Variants in MRAP2 observed in about 807,000 individuals in gnomAD.
MRAP2 encodes the protein melanocortin-2 receptor accessory protein 2.
A neutral mutation model predicts 17.4 loss-of-function variants in MRAP2; 20 were observed. The ratio of observed to expected loss-of-function variants is 1.15; its 90% confidence interval spans 0.81 to 1.67. The LOEUF is 1.67. Among genes scored for constraint, MRAP2 ranks in the 40% most tolerant of loss-of-function variants. The pLI, the probability that MRAP2 is intolerant of heterozygous loss-of-function variation, is 0.00. For synonymous variants in MRAP2, 96 were observed against 88.4 expected (o/e 1.09, Z -0.48); for missense variants, 238 against 240.0 (o/e 0.99, Z 0.05).
At chr6:84,094,222 TTTGTTTC>T (rs2099502281), downstream of MRAP2, among the ~76,000 whole-genome samples, 1 of 152,304 alleles carries the variant, frequency 6.6e-6, no homozygotes, top group African/African-American at 2.4e-5. Context: ...TAATACTCTT[TTTGTTTC>T]TTTTGAGACA....
At chr6:84,057,022 G>A (rs998689885) in intron 2 of MRAP2, among the ~76,000 whole-genome samples, 28 of 151,980 alleles carry the variant, frequency 1.8e-4, no homozygotes, top group Admixed American at 9.8e-4. Context: ...TAATATTCAC[G>A]TCAAGATAAA....
chr6:84,055,292 G>A lies in MRAP2; in HGVS notation c.-7-20G>A. On this transcript the variant is annotated intron_variant, in intron 1 of 3. Transcript: ENST00000257776. ...GGATGAATTAACAGGTTCTGCGCTT[G>A]ACTTTCTCCATTTGTGCAGGTCGGA... 1.3e-6 allele frequency: 2 copies of A among 1,599,128 alleles called. No homozygotes were observed. Among genetic ancestry groups the A allele is most frequent in the African/African-American group, 2.7e-5 (2 of 73,742 alleles).
chr6:84,057,667 T>G (rs1465814576), intron 2 of MRAP2, among the ~76,000 whole-genome samples: 1 of 152,224 alleles, frequency 6.6e-6, no homozygotes, highest in Non-Finnish European at 1.5e-5. Flanking sequence ...TGTGCAGTAC[T>G]ATTTTAAGCA....
Position 84,064,639 on chromosome 6 carries a change from C to G in MRAP2, c.227+1647C>G, listed in dbSNP as rs570971425. Among the ~76,000 whole-genome samples the G allele has an allele frequency of 2.7e-3, 411 of 152,294 alleles. 2 individuals carry two copies. Among genetic ancestry groups the G allele is most frequent in the Non-Finnish European group, 3.1e-3 (212 of 68,030 alleles). On this transcript the variant is annotated intron_variant, in intron 3 of 3. Coordinates refer to ENST00000257776, the MANE Select transcript of MRAP2 (RefSeq NM_138409.4). ...AGTAGCTGGGACTACAGGCACCCAC[C>G]ACCACGCCCAGCTACTTTTTTGTAT...
At chr6:84,138,580 C>T in the MRAP2 span, among the ~76,000 whole-genome samples, 1 of 152,172 alleles carries the variant, frequency 6.6e-6, no homozygotes, top group Non-Finnish European at 1.5e-5. Flanking sequence ...GGCAGGGTGT[C>T]ATTACCTTTA....
rs1175341909 is a variant in MRAP2, at chr6:84,089,151, A to T, written c.288A>T (p.Arg96Ser). 9 of 1,613,932 alleles carry T rather than the reference A, an allele frequency of 5.6e-6. No homozygotes were observed. Among genetic ancestry groups the T allele is most frequent in the South Asian group, 1.1e-5 (1 of 91,080 alleles). The change falls in exon 4 of 4, where the codon AGA (arginine) becomes AGT (serine). Residue 96 changes from arginine (R) to serine (S), a missense_variant. Arg to Ser is a moderately radical substitution (Grantham distance 110, BLOSUM62 -1). Transcript: ENST00000257776. ...RMNSFVSDFG[R>S]PLEPDKVFSR... ...ACAGCTTTGTGTCAGACTTTGGAAG[A>T]CCTCTGGAGCCAGATAAAGTATTTT...
intron 3 of MRAP2, among the ~76,000 whole-genome samples, chr6:84,073,645 C>CTG (rs1344075974): frequency 1.3e-5 from 2 of 152,220 alleles, no homozygotes; most frequent in African/African-American, 4.8e-5. Flanking sequence ...TTATCACATA[C>CTG]TGTGCCAAGC....
the MRAP2 span, among the ~76,000 whole-genome samples, chr6:84,112,163 G>A: frequency 6.6e-6 from 1 of 152,162 alleles, no homozygotes; most frequent in African/African-American, 2.4e-5. Flanking sequence ...GTTTGGAATA[G>A]TGTCATAAGG....
chr6:84,068,314 T>G (rs1426775074), intron 3 of MRAP2, among the ~76,000 whole-genome samples: 2 of 152,212 alleles, frequency 1.3e-5, no homozygotes, highest in African/African-American at 4.8e-5. Context: ...TGAAACCAGA[T>G]AGTATGATCC....
chr6:84,106,547 G>T, the MRAP2 span, among the ~76,000 whole-genome samples: 2 of 152,110 alleles, frequency 1.3e-5, no homozygotes, highest in African/African-American at 2.4e-5. Flanking sequence ...GGAGGTCCAT[G>T]TTGTTGAGCC....
chr6:84,055,412 C>T lies in MRAP2; in HGVS notation c.94C>T (p.Pro32Ser). 6.2e-7 allele frequency: 1 copy of T among 1,612,802 alleles called. No homozygotes were observed. The change falls in exon 2 of 4, where the codon CCA (proline) becomes TCA (serine). Residue 32 changes from proline (P) to serine (S), a missense_variant. Physicochemically the swap from Pro to Ser is moderately conservative, Grantham distance 74 (BLOSUM62 -1). Transcript: ENST00000257776. Reference sequence around the variant, plus strand: ...GGAATATGAATATTATGAGATTGGACCAGTTTCCTTTGAAGGACTGAAGGC... The same window carrying T: ...GGAATATGAATATTATGAGATTGGATCAGTTTCCTTTGAAGGACTGAAGGC... ...TWEYEYYEIG[P>S]VSFEGLKAHK...
chr6:84,055,875 G>A (rs924130118), intron 2 of MRAP2, among the ~76,000 whole-genome samples: 1 of 152,202 alleles, frequency 6.6e-6, no homozygotes, highest in Admixed American at 6.5e-5. Context: ...GTGGAGAGCA[G>A]TGTATCCATG....
the MRAP2 span, among the ~76,000 whole-genome samples, chr6:84,118,416 C>CAGAG: frequency 6.7e-6 from 1 of 149,980 alleles, no homozygotes; most frequent in Admixed American, 6.6e-5. Context: ...AGGGAGAGAT[C>CAGAG]AGAGCTCTTT....
At chr6:84,040,548 C>T (rs1043464130) in intron 1 of MRAP2, among the ~76,000 whole-genome samples, 2 of 152,086 alleles carry the variant, frequency 1.3e-5, no homozygotes, top group African/African-American at 4.8e-5. Context: ...CAGAAGAAGA[C>T]AGGAAAATGT....
chr6:84,034,785 A>G (rs573921829), intron 1 of MRAP2, among the ~76,000 whole-genome samples: 2 of 152,202 alleles, frequency 1.3e-5, no homozygotes, highest in South Asian at 2.1e-4. Context: ...CCAAAAGTAA[A>G]CAGTAGTATT....
chr6:84,134,423 T>A, the MRAP2 span, among the ~76,000 whole-genome samples: 6 of 152,202 alleles, frequency 3.9e-5, no homozygotes, highest in Non-Finnish European at 8.8e-5. Context: ...TAGCTCAGTG[T>A]CTGCCCAAAC....
intron 3 of MRAP2, among the ~76,000 whole-genome samples, chr6:84,072,921 C>T (rs555854583): frequency 6.6e-6 from 1 of 152,294 alleles, no homozygotes; most frequent in South Asian, 2.1e-4. Flanking sequence ...CTCATTCCCA[C>T]CATGTCCCCA....
At chr6:84,033,924 C>T in intron 1 of MRAP2, 41 bp downstream of exon 1, 1 of 985,848 alleles carries the variant, frequency 1.0e-6, no homozygotes, top group African/African-American at 1.7e-5. Context: ...CGGAGCAAAG[C>T]CCGGGCGCTG....
chr6:84,126,506 T>G, the MRAP2 span: 1 of 1,530,032 alleles, frequency 6.5e-7, no homozygotes, highest in Admixed American at 2.1e-5. Flanking sequence ...TCTAAGAGTT[T>G]TGTAATCTAA....
Sources: gnomAD v4.1 joint callset for allele counts (sites outside exome capture counted in the v4.1 genomes callset) on GRCh38, gnomAD v4.1.1 for gene constraint, MANE v1.5 for transcripts, NCBI Gene and HGNC (gene_info 2026-07-23, HGNC 2026-07-21) for gene names.